The following GLI3 variants were observed in gnomAD, a reference collection of about 807,000 sequenced individuals.
GLI3 encodes the protein GLI family zinc finger 3.
A neutral mutation model predicts 100.8 loss-of-function variants in GLI3; 20 were observed. The ratio of observed to expected loss-of-function variants is 0.20; its 90% CI spans 0.14 to 0.29. GLI3 has a LOEUF of 0.29. Ranked by LOEUF, GLI3 falls within the 10% of genes least tolerant of loss-of-function variation. The probability of loss-of-function intolerance (pLI) is 1.00; values close to 1 mark genes in which losing one functional copy is unlikely to be tolerated. For synonymous variants in GLI3, 938 were observed against 860.5 expected (o/e 1.09, Z -1.58); for missense variants, 2,040 against 2,128.5 (o/e 0.96, Z 0.82).
intron 2 of GLI3, among the ~76,000 whole-genome samples, chr7:42,179,660 T>C (rs1011051469): frequency 3.3e-5 from 5 of 151,984 alleles, no homozygotes; most frequent in Admixed American, 3.3e-4. Flanking sequence ...TCCACAGAAT[T>C]TCCTAGCAAG....
chr7:42,182,644 G>GTATATATATA lies in GLI3; in HGVS notation c.125-34186_125-34177dup, dbSNP rs764864618. Among the ~76,000 whole-genome samples the GTATATATATA allele has an allele frequency of 6.9e-3, 353 of 51,518 alleles. 2 individuals carry two copies. Among genetic ancestry groups the GTATATATATA allele is most frequent in the Middle Eastern group, 0.012 (1 of 86 alleles). 33.8% of individuals were successfully genotyped at this position (51,518 alleles called of 152,430 possible). A position where few individuals can be genotyped will look rare whatever the true frequency, so the allele number is the denominator to read the frequency against. On this transcript the variant is annotated intron_variant, in intron 2 of 14. Transcript: ENST00000395925. ...TTTATATGCATATGTATATGTGTGT[G>GTATATATATA]TATATATATATATATATATATATAT...
intron 3 of GLI3, among the ~76,000 whole-genome samples, chr7:42,124,348 A>G (rs1281817176): frequency 6.6e-6 from 1 of 152,198 alleles, no homozygotes; most frequent in Non-Finnish European, 1.5e-5. Context: ...AAAGAGTCTG[A>G]CCTGCAGAAA....
chr7:42,256,637 C>T (rs1392750077), intron 1 of GLI3, among the ~76,000 whole-genome samples: 2 of 152,160 alleles, frequency 1.3e-5, no homozygotes, highest in African/African-American at 4.8e-5. Context: ...TTCCATTCAT[C>T]CATATGCCTA....
intron 3 of GLI3, among the ~76,000 whole-genome samples, chr7:42,099,541 T>C (rs1172999156): frequency 6.6e-6 from 1 of 152,214 alleles, no homozygotes; most frequent in Non-Finnish European, 1.5e-5. Context: ...AGAGATATGT[T>C]AGTTTAGTTA....
Position 42,023,497 on chromosome 7 carries a change from C to G in GLI3, c.1468G>C (p.Glu490Gln). Residue 490 changes from glutamate to glutamine, a missense_variant, in exon 10 of 15, where the codon GAG becomes CAG. Physicochemically the swap from Glu to Gln is conservative, Grantham distance 29. Around this residue, in one of 5 missense-constraint regions of GLI3, gnomAD observed 603 missense variants for 690.9 expected, o/e 0.87. Coordinates refer to ENST00000395925, the MANE Select transcript of GLI3 (RefSeq NM_000168.6). The part of the protein sequence containing the change: ...TNCHWEGCAR[E>Q]FDTQEQLVHH... ...ACAAGCTGCTCTTGGGTGTCGAACT[C>G]CCTCGCGCAGCCTTCCCAGTGGCAG... 6.2e-7 allele frequency: 1 copy of G among 1,614,168 alleles called. No homozygotes were observed. The highest frequency in any genetic ancestry group is 8.5e-7 in the Non-Finnish European group (1 of 1,180,024).
At chr7:42,235,038 C>G (rs1788762641) in intron 1 of GLI3, among the ~76,000 whole-genome samples, 1 of 152,166 alleles carries the variant, frequency 6.6e-6, no homozygotes, top group African/African-American at 2.4e-5. Flanking sequence ...TAAAACCAGT[C>G]CCGGCAGCTT....
Position 42,182,658 on chromosome 7 carries a change from A to ATATATATATATACATGTG in GLI3, c.125-34191_125-34190insCACATGTATATATATATA, listed in dbSNP as rs1554337020. On this transcript the variant is annotated intron_variant, in intron 2 of 14. Coordinates refer to ENST00000395925, the MANE Select transcript of GLI3 (RefSeq NM_000168.6). The stretch of plus-strand genomic sequence containing the variant: ...TATATGTGTGTGTATATATATATAT[A>ATATATATATATACATGTG]TATATATATATATATATATATATAC... 1.3e-3 allele frequency among the ~76,000 whole-genome samples: 74 copies of ATATATATATATACATGTG among 56,018 alleles called. 2 individuals are homozygous for ATATATATATATACATGTG. Among genetic ancestry groups the ATATATATATATACATGTG allele is most frequent in the Non-Finnish European group, 2.1e-3 (61 of 29,434 alleles). 36.7% of individuals were successfully genotyped at this position (56,018 alleles called of 152,430 possible).
chr7:42,011,473 G>C (rs1012141816), intron 10 of GLI3, among the ~76,000 whole-genome samples: 3 of 152,316 alleles, frequency 2.0e-5, no homozygotes, highest in South Asian at 4.1e-4. Flanking sequence ...AATGTTCATA[G>C]TAACACAATA....
At chr7:42,204,057 A>AT (rs1156873547) in intron 2 of GLI3, among the ~76,000 whole-genome samples, 1 of 151,440 alleles carries the variant, frequency 6.6e-6, no homozygotes, top group Non-Finnish European at 1.5e-5. Context: ...ACTCCAAACC[A>AT]TTTTTCCCAC....
At chr7:42,234,275 C>G (rs1788747201) in intron 1 of GLI3, among the ~76,000 whole-genome samples, 1 of 152,032 alleles carries the variant, frequency 6.6e-6, no homozygotes, top group South Asian at 2.1e-4. Context: ...CAAACTCTAT[C>G]CTCAAAAAAT....
chr7:42,075,305 A>C (rs575291578), intron 4 of GLI3, among the ~76,000 whole-genome samples: 1 of 152,342 alleles, frequency 6.6e-6, no homozygotes, highest in Admixed American at 6.5e-5. Context: ...ACTTAAATTA[A>C]GTACATCACA....
chr7:42,013,085 T>C (rs1222097916), intron 10 of GLI3, among the ~76,000 whole-genome samples: 1 of 152,244 alleles, frequency 6.6e-6, no homozygotes, highest in Non-Finnish European at 1.5e-5. Flanking sequence ...CCTGTGAATC[T>C]AACAGAAGAC....
intron 10 of GLI3, among the ~76,000 whole-genome samples, chr7:42,018,564 C>A (rs1788838122): frequency 6.6e-6 from 1 of 152,194 alleles, no homozygotes; most frequent in Admixed American, 6.5e-5. Context: ...ACAGACACAT[C>A]AATTCTTCAC....
rs1554304171 is a variant in GLI3, at chr7:41,964,080, TTA to T, written c.*248_*249del. 52 of 295,754 alleles carry T rather than the reference TTA, an allele frequency of 1.8e-4. No homozygotes were observed. Among genetic ancestry groups the T allele is most frequent in the South Asian group, 3.0e-4 (5 of 16,786 alleles). 18.3% of individuals were successfully genotyped at this position (295,754 alleles called of 1,614,324 possible). On this transcript the variant is annotated 3_prime_UTR_variant, in exon 15 of 15. Transcript: ENST00000395925. ...GGGCTTACAGTTTTTTTTTTTTTTT[TTA>T]AAAAGAGGGTGGTTTGAGTGTAACA...
At chr7:41,987,673 A>C (rs1187427129) in intron 10 of GLI3, among the ~76,000 whole-genome samples, 1 of 152,216 alleles carries the variant, frequency 6.6e-6, no homozygotes, top group Admixed American at 6.5e-5. Flanking sequence ...ATACGCTAAC[A>C]TCAGTTCAAG....
intron 4 of GLI3, among the ~76,000 whole-genome samples, chr7:42,053,447 G>A (rs919818257): frequency 5.9e-5 from 9 of 152,210 alleles, no homozygotes; most frequent in African/African-American, 1.9e-4. Context: ...AGAGGACAGG[G>A]GAGGTATGGA....
In GLI3 at chr7:41,967,696, G is replaced by T. The variant is rs1057524835; in HGVS notation, c.2331C>A (p.His777Gln). The T allele has an allele frequency of 2.0e-5, 33 of 1,613,996 alleles. No homozygotes were observed. Among genetic ancestry groups the T allele is most frequent in the Non-Finnish European group, 2.6e-5 (31 of 1,180,016 alleles). Reference protein sequence around the residue: ...RNPAGTKWMEHVKLERLKQVN... With the variant: ...RNPAGTKWMEQVKLERLKQVN... Reference sequence around the variant, plus strand: ...CTTGTTTTAGCCTTTCTAGTTTTACGTGCTCCATCCATTTGGTCCCTGCCG... The same window carrying T: ...CTTGTTTTAGCCTTTCTAGTTTTACTTGCTCCATCCATTTGGTCCCTGCCG... The change falls in exon 14 of 15, where the codon CAC becomes CAA. Residue 777 changes from histidine (H) to glutamine (Q), a missense_variant. Coordinates refer to ENST00000395925, the MANE Select transcript of GLI3 (RefSeq NM_000168.6).
At chr7:42,225,032 G>A (rs1002009962) in intron 1 of GLI3, among the ~76,000 whole-genome samples, 3 of 152,184 alleles carry the variant, frequency 2.0e-5, no homozygotes, top group African/African-American at 7.2e-5. Flanking sequence ...CCAAGAATCT[G>A]GACAGAGAAC....
At chr7:41,992,602 C>T (rs1788018901) in intron 10 of GLI3, among the ~76,000 whole-genome samples, 1 of 151,960 alleles carries the variant, frequency 6.6e-6, no homozygotes, top group Non-Finnish European at 1.5e-5. Flanking sequence ...CCAATGGAGA[C>T]TGTACAGAGG....
Sources: allele counts gnomAD v4.1 joint callset (sites outside exome capture counted in the v4.1 genomes callset), GRCh38; gene constraint gnomAD v4.1.1; regional missense constraint gnomAD v4.1.1; transcripts MANE v1.5; gene names NCBI Gene and HGNC (gene_info 2026-07-23, HGNC 2026-07-21).